Variants in HMGN3 observed in about 807,000 individuals in gnomAD.
The protein encoded by HMGN3 is high mobility group nucleosome-binding domain-containing protein 3.
Under a neutral mutation model 18.8 loss-of-function variants are expected in HMGN3, and 6 were observed. The ratio of observed to expected loss-of-function variants is 0.32; its 90% CI spans 0.18 to 0.63. The LOEUF is 0.63. Ranked by LOEUF, HMGN3 falls within the 30% of genes least tolerant of loss-of-function variation. The pLI, the probability that HMGN3 is intolerant of heterozygous loss-of-function variation, is 0.79. For missense variants in HMGN3, 107 were observed against 114.2 expected, an observed-to-expected ratio of 0.94 and a Z score of 0.29; for synonymous variants, 40 against 36.5, an observed-to-expected ratio of 1.10 and a Z score of -0.35.
chr6:79,201,542 G>C, exon 6 of HMGN3: 1 of 609,190 alleles, frequency 1.6e-6, no homozygotes, highest in Non-Finnish European at 2.9e-6. Flanking sequence ...ATGACTATGA[G>C]ACGATAAAAT....
exon 1 of HMGN3, chr6:79,234,594 A>G (rs748966009): frequency 6.2e-7 from 1 of 1,609,178 alleles, no homozygotes; most frequent in Non-Finnish European, 8.5e-7. Context: ...AAGTAAAGCA[A>G]CGGACTGGAA....
At position 79,207,377 on chromosome 6, in the gene HMGN3, G is replaced by A. The variant is rs9448660; in HGVS notation, c.96+1170C>T. Among the ~76,000 whole-genome samples, 1,505 of 152,244 alleles carry A rather than the reference G, an allele frequency of 9.9e-3. 15 individuals are homozygous for A. Among genetic ancestry groups the A allele is most frequent in the African/African-American group, 0.034 (1,411 of 41,538 alleles). ...TTTCCTGTGCTGTTCTTGTGAAAGT[G>A]AATGAGTCTGGTGAGATCTGATGGT... On this transcript the variant is annotated intron_variant, in intron 3 of 5. Transcript: ENST00000344726.
chr6:79,221,636 T>C (rs1381882380), intron 1 of HMGN3, among the ~76,000 whole-genome samples: 2 of 152,080 alleles, frequency 1.3e-5, no homozygotes, highest in African/African-American at 2.4e-5. Flanking sequence ...CTCAAGAAGG[T>C]ATCAGAAGAG....
intron 1 of HMGN3, among the ~76,000 whole-genome samples, chr6:79,230,406 G>A (rs1301156901): frequency 6.6e-6 from 1 of 152,142 alleles, no homozygotes; most frequent in Admixed American, 6.5e-5. Context: ...TGTATACTTC[G>A]AATGGATGAA....
rs182418676 is a variant in HMGN3 at position 79,214,436 on chromosome 6, C to T, written c.66+536G>A. ...CAGGATGGTCTCTATCTCCTGACCT[C>T]GTGATCCGCCCGCCTCGGCCACCCA... On this transcript the variant is annotated intron_variant, in intron 2 of 5. Transcript: ENST00000344726. Among the ~76,000 whole-genome samples, 471 of 152,198 alleles carry T rather than the reference C, an allele frequency of 3.1e-3. 2 individuals carry two copies. Among genetic ancestry groups the T allele is most frequent in the African/African-American group, 9.8e-3 (409 of 41,536 alleles).
chr6:79,207,017 G>A (rs1236719553), intron 3 of HMGN3, among the ~76,000 whole-genome samples: 1 of 152,188 alleles, frequency 6.6e-6, no homozygotes, highest in African/African-American at 2.4e-5. Context: ...CATTTGGAAT[G>A]GATGTATTTA....
intron 1 of HMGN3, among the ~76,000 whole-genome samples, chr6:79,231,368 T>C (rs1052548811): frequency 2.0e-5 from 3 of 152,102 alleles, no homozygotes; most frequent in African/African-American, 7.2e-5. Flanking sequence ...TCCATGAATG[T>C]TATCATTTCC....
chr6:79,211,472 T>G (rs1161195626), intron 2 of HMGN3, among the ~76,000 whole-genome samples: 1 of 151,806 alleles, frequency 6.6e-6, no homozygotes, highest in East Asian at 1.9e-4. Flanking sequence ...CTTGTTTTTT[T>G]TTTTTTTTTT....
chr6:79,218,129 A>C (rs1248299645), intron 1 of HMGN3, among the ~76,000 whole-genome samples: 1 of 152,234 alleles, frequency 6.6e-6, no homozygotes, highest in East Asian at 1.9e-4. Context: ...GAAGCTGCTT[A>C]TGTGAGGATA....
At chr6:79,216,386 A>C (rs1043195307) in intron 1 of HMGN3, among the ~76,000 whole-genome samples, 1 of 152,242 alleles carries the variant, frequency 6.6e-6, no homozygotes, top group Non-Finnish European at 1.5e-5. Flanking sequence ...ACATAAAATA[A>C]GGCTAAATTC....
intron 2 of HMGN3, among the ~76,000 whole-genome samples, chr6:79,212,365 A>G (rs1218567139): frequency 6.6e-6 from 1 of 152,156 alleles, no homozygotes; most frequent in Non-Finnish European, 1.5e-5. Context: ...GACATTCACT[A>G]TTCTCCTTCC....
At chr6:79,215,451 A>G (rs1776931946) in intron 1 of HMGN3, among the ~76,000 whole-genome samples, 1 of 152,232 alleles carries the variant, frequency 6.6e-6, no homozygotes, top group African/African-American at 2.4e-5. Flanking sequence ...GCCAACCACA[A>G]AAGCACATTT....
chr6:79,206,103 A>G (rs753698080), intron 3 of HMGN3, among the ~76,000 whole-genome samples: 1 of 152,238 alleles, frequency 6.6e-6, no homozygotes, highest in Non-Finnish European at 1.5e-5. Context: ...CAGTTTTAAA[A>G]GGGAAACAGA....
intron 4 of HMGN3, among the ~76,000 whole-genome samples, chr6:79,202,613 T>G (rs1011677553): frequency 6.6e-6 from 1 of 152,180 alleles, no homozygotes; most frequent in Non-Finnish European, 1.5e-5. Flanking sequence ...GAAAGTCCAG[T>G]GTACTTTCTC....
At chr6:79,223,097 G>A (rs1036182838) in intron 1 of HMGN3, among the ~76,000 whole-genome samples, 1 of 152,096 alleles carries the variant, frequency 6.6e-6, no homozygotes, top group Non-Finnish European at 1.5e-5. Flanking sequence ...AGGAAATATA[G>A]GCCAGGCACA....
chr6:79,209,634 T>A (rs946068858), intron 2 of HMGN3, among the ~76,000 whole-genome samples: 2 of 152,178 alleles, frequency 1.3e-5, no homozygotes, highest in African/African-American at 4.8e-5. Context: ...CAAATAATTC[T>A]TCCTAAGGGG....
chr6:79,208,234 C>T (rs959518290), intron 3 of HMGN3, among the ~76,000 whole-genome samples: 14 of 152,268 alleles, frequency 9.2e-5, no homozygotes, highest in Admixed American at 2.6e-4. Flanking sequence ...CACTTCAGCA[C>T]ATCATAGGTA....
chr6:79,215,638 C>T (rs541463925), intron 1 of HMGN3, among the ~76,000 whole-genome samples: 449 of 152,316 alleles, frequency 2.9e-3, no homozygotes, highest in Non-Finnish European at 4.2e-3. Flanking sequence ...GGTTTTGATC[C>T]ATCCCCTGGG....
At chr6:79,226,128 T>C (rs954899970) in intron 1 of HMGN3, among the ~76,000 whole-genome samples, 13 of 152,234 alleles carry the variant, frequency 8.5e-5, no homozygotes, top group Non-Finnish European at 1.6e-4. Context: ...AGGGCTTGGT[T>C]AGAATGCTGG....
Sources: allele counts gnomAD v4.1 joint callset (sites outside exome capture counted in the v4.1 genomes callset), GRCh38; gene constraint gnomAD v4.1.1; transcripts MANE v1.5; gene names NCBI Gene and HGNC (gene_info 2026-07-23, HGNC 2026-07-21).